The following NMBR variants were observed in gnomAD, a reference collection of about 807,000 sequenced individuals.
NMBR encodes the protein neuromedin-B receptor.
A neutral mutation model predicts 20.5 loss-of-function variants in NMBR; 16 were observed. The observed-to-expected ratio is 0.78, with a 90% CI of 0.53 to 1.19. NMBR has a LOEUF of 1.19. Among genes scored for constraint, NMBR ranks in the 50% most tolerant of loss-of-function variants. NMBR has a pLI of 0.00. For synonymous variants in NMBR, 212 were observed against 196.6 expected (o/e 1.08, Z -0.65); for missense variants, 582 against 499.1 (o/e 1.17, Z -1.58).
At chr6:142,111,051 C>A (rs954273435) in intron 1 of NMBR, among the ~76,000 whole-genome samples, 17 of 152,028 alleles carry the variant, frequency 1.1e-4, no homozygotes, top group African/African-American at 3.9e-4. Flanking sequence ...ACGAGCCTGG[C>A]CAACATGGTG....
chr6:142,137,225 G>C (rs1778276782), intron 1 of NMBR, among the ~76,000 whole-genome samples: 2 of 152,112 alleles, frequency 1.3e-5, no homozygotes, highest in African/African-American at 4.8e-5. Context: ...CTTGTAAGTT[G>C]GATTCCTAGG....
At chr6:142,133,882 C>T in intron 1 of NMBR, 4 of 701,214 alleles carry the variant, frequency 5.7e-6, no homozygotes, top group Non-Finnish European at 1.0e-5. Flanking sequence ...GTCAATTCCA[C>T]ACCCTTTTCT....
chr6:142,124,302 C>G (rs1368746713), intron 1 of NMBR, among the ~76,000 whole-genome samples: 2 of 151,846 alleles, frequency 1.3e-5, no homozygotes, highest in Admixed American at 1.3e-4. Context: ...AAGTTTATAC[C>G]TATTTGGTAC....
chr6:142,085,318 G>T (rs1777179596), intron 2 of NMBR, among the ~76,000 whole-genome samples: 1 of 152,184 alleles, frequency 6.6e-6, no homozygotes. Flanking sequence ...GAGGTCAGCA[G>T]TTCGAGACCA....
chr6:142,119,046 G>C (rs1777899566), intron 1 of NMBR, among the ~76,000 whole-genome samples: 1 of 152,002 alleles, frequency 6.6e-6, no homozygotes, highest in African/African-American at 2.4e-5. Context: ...CAATGCCAAG[G>C]GCAGCCCTGC....
chr6:142,096,328 G>T (rs2114575867), intron 1 of NMBR, among the ~76,000 whole-genome samples: 1 of 152,132 alleles, frequency 6.6e-6, no homozygotes, highest in East Asian at 1.9e-4. Context: ...CTTTAAATGT[G>T]TCCCAGAGAT....
chr6:142,131,367 A>C (rs954050526), intron 1 of NMBR, among the ~76,000 whole-genome samples: 2 of 152,204 alleles, frequency 1.3e-5, no homozygotes, highest in African/African-American at 4.8e-5. Context: ...AAGAGGTAGA[A>C]GATGTTTCTC....
chr6:142,114,234 A>G lies in NMBR; in HGVS notation c.-663-24913T>C, dbSNP rs191042441. Among the ~76,000 whole-genome samples, 4 of 152,280 alleles carry G rather than the reference A, an allele frequency of 2.6e-5. No homozygotes were observed. The East Asian group carries it at 7.7e-4, about 29-fold the overall frequency. ...AAATTACCTTTATGCCTTGAAGGCA[A>G]TCTCCATGGGTCAAGGCTAATGCCT... On this transcript the variant is annotated intron_variant, in intron 1 of 3. Transcript: ENST00000258042.
chr6:142,140,910 A>T (rs1311670966), intron 1 of NMBR, among the ~76,000 whole-genome samples: 7 of 152,172 alleles, frequency 4.6e-5, no homozygotes, highest in Admixed American at 1.3e-4. Context: ...GTATGCCACC[A>T]GTTAATAGAG....
chr6:142,085,311 G>A (rs930384198), intron 2 of NMBR, among the ~76,000 whole-genome samples: 2 of 152,164 alleles, frequency 1.3e-5, no homozygotes, highest in African/African-American at 4.8e-5. Context: ...ATCGCTTGAG[G>A]TCAGCAGTTC....
At position 142,078,905 on chromosome 6, in the gene NMBR, T is replaced by C; in HGVS notation, c.423-2A>G. ...ATGGGGTTAACGATGGCTCTGTACC[T>C]GGGAAAATGATACATCTCAAGTTAT... is the stretch of plus-strand genomic sequence containing the variant. On this transcript the variant is annotated splice_acceptor_variant, in intron 2 of 3. Coordinates refer to ENST00000258042, the MANE Select transcript of NMBR (RefSeq NM_002511.4). LOFTEE classifies it high-confidence loss of function. 2 of 1,563,448 alleles carry C rather than the reference T, an allele frequency of 1.3e-6. No homozygotes were observed. The highest frequency in any genetic ancestry group is 4.5e-5 in the East Asian group (2 of 44,060).
chr6:142,118,572 T>A (rs1582855187), intron 1 of NMBR, among the ~76,000 whole-genome samples: 1 of 152,194 alleles, frequency 6.6e-6, no homozygotes, highest in East Asian at 1.9e-4. Context: ...ACTTTCTCTA[T>A]AACCTTTCTT....
chr6:142,112,055 G>T (rs757867625), intron 1 of NMBR, among the ~76,000 whole-genome samples: 39 of 152,198 alleles, frequency 2.6e-4, no homozygotes, highest in Non-Finnish European at 4.7e-4. Context: ...CTGGCTGGGT[G>T]CAGTGGGTCA....
intron 1 of NMBR, among the ~76,000 whole-genome samples, chr6:142,095,884 G>C (rs376959586): frequency 6.6e-6 from 1 of 152,030 alleles, no homozygotes; most frequent in Non-Finnish European, 1.5e-5. Flanking sequence ...GTCTTGGGAG[G>C]GTGTATGTGT....
chr6:142,116,914 T>C (rs565253451), intron 1 of NMBR, among the ~76,000 whole-genome samples: 1 of 152,092 alleles, frequency 6.6e-6, no homozygotes, highest in African/African-American at 2.4e-5. Flanking sequence ...ATGATCATGA[T>C]TAATATTATT....
rs573344829 is a variant in NMBR at position 142,111,225 on chromosome 6, G to T, written c.-663-21904C>A. The stretch of plus-strand genomic sequence containing the variant: ...ACTGCACTCCTGCCTGGCCAACAGA[G>T]TGAGACTCCAACTCAAAAAAAAAAA... On this transcript the variant is annotated intron_variant, in intron 1 of 3. Transcript: ENST00000258042. Among the ~76,000 whole-genome samples, 14 of 151,444 alleles carry T rather than the reference G, an allele frequency of 9.2e-5. No individual in the cohort carries two copies. In the South Asian group the frequency reaches 1.5e-3, roughly 16 times the overall value.
At chr6:142,119,157 G>C (rs1249054530) in intron 1 of NMBR, among the ~76,000 whole-genome samples, 2 of 151,982 alleles carry the variant, frequency 1.3e-5, no homozygotes, top group Non-Finnish European at 2.9e-5. Context: ...TCTAGGAAAT[G>C]ACATAAGCTG....
At chr6:142,136,198 T>G (rs967599744) in intron 1 of NMBR, among the ~76,000 whole-genome samples, 12 of 152,242 alleles carry the variant, frequency 7.9e-5, no homozygotes, top group Non-Finnish European at 1.3e-4. Flanking sequence ...CTAACTGGTG[T>G]GAGATGGTAT....
chr6:142,132,353 A>G (rs1018475491), intron 1 of NMBR, among the ~76,000 whole-genome samples: 1 of 152,184 alleles, frequency 6.6e-6, no homozygotes, highest in Non-Finnish European at 1.5e-5. Flanking sequence ...GCTGGTCCTC[A>G]ACACCCATAA....
Sources: gnomAD v4.1 joint callset for allele counts (sites outside exome capture counted in the v4.1 genomes callset) on GRCh38, gnomAD v4.1.1 for gene constraint, MANE v1.5 for transcripts, NCBI Gene and HGNC (gene_info 2026-07-23, HGNC 2026-07-21) for gene names.